DNAH17: variants seen among roughly 807,000 people sequenced by gnomAD.
DNAH17 encodes the protein dynein axonemal heavy chain 17, also known as axonemal beta dynein heavy chain 17.
A neutral mutation model predicts 485.6 loss-of-function variants in DNAH17; 376 were observed. The ratio of observed to expected loss-of-function variants is 0.77; its 90% confidence interval spans 0.71 to 0.84. The LOEUF is 0.84. Among genes scored for constraint, DNAH17 ranks in the 40% least tolerant of loss-of-function variants. The pLI is 0.00. For missense variants in DNAH17, 6,370 were observed against 5,839.3 expected (o/e 1.09, Z -2.96); for synonymous variants, 3,031 against 2,405.9 (o/e 1.26, Z -7.60).
Position 78,480,051 on chromosome 17 carries a change from A to T in DNAH17, c.7753-419T>A, listed in dbSNP as rs796853823. Among the ~76,000 whole-genome samples, 35 of 15,866 alleles carry T rather than the reference A, an allele frequency of 2.2e-3. 12 individuals are homozygous for T. Among genetic ancestry groups the T allele is most frequent in the Non-Finnish European group, 5.4e-3 (26 of 4,776 alleles). The allele number at this position is 15,866 out of a possible 152,430, so 10.4% of individuals were successfully genotyped here. A position where few individuals can be genotyped will look rare whatever the true frequency, so the allele number is the denominator to read the frequency against. ...TTTTTTTTTTTTTTTTTTTTTTTTAAAAAAAGTATGTCCCAGGCCGGGCAC... is the reference window on the plus strand; with the variant it reads ...TTTTTTTTTTTTTTTTTTTTTTTTATAAAAAGTATGTCCCAGGCCGGGCAC... On this transcript the variant is annotated intron_variant, in intron 49 of 80. Coordinates refer to ENST00000389840, the MANE Select transcript of DNAH17 (RefSeq NM_173628.4).
chr17:78,462,490 G>A (rs1187471826), intron 57 of DNAH17, among the ~76,000 whole-genome samples: 1 of 152,140 alleles, frequency 6.6e-6, no homozygotes, highest in Non-Finnish European at 1.5e-5. Flanking sequence ...GGAGGTTTTT[G>A]AGCCAGGCCC....
chr17:78,468,037 AG>A (rs2088563664), intron 55 of DNAH17, among the ~76,000 whole-genome samples: 1 of 43,270 alleles, frequency 2.3e-5, no homozygotes, highest in South Asian at 7.6e-4. Flanking sequence ...AAAAAAAGAG[AG>A]AGAGAGAGAG....
chr17:78,433,353 T>C (rs553426785), intron 75 of DNAH17, among the ~76,000 whole-genome samples: 203 of 152,316 alleles, frequency 1.3e-3, no homozygotes, highest in African/African-American at 4.7e-3. Flanking sequence ...CTCCAGCGAA[T>C]AGCAGGTCTG....
rs540562960 is a variant in DNAH17, at chr17:78,573,172, C to T, written c.346-278G>A. ...CCAAAGCCATCCCCAAGCTCTTGCACCCATAGCACACACTCCTTGCTAAAA... is the reference window on the plus strand; with the variant it reads ...CCAAAGCCATCCCCAAGCTCTTGCATCCATAGCACACACTCCTTGCTAAAA... On this transcript the variant is annotated intron_variant, in intron 2 of 80. Transcript: ENST00000389840. Among the ~76,000 whole-genome samples the T allele has an allele frequency of 2.6e-5, 4 of 152,286 alleles. No homozygotes were observed. In the South Asian group the frequency reaches 8.3e-4, roughly 32 times the overall value.
At chr17:78,526,401 G>A (rs115493059) in intron 24 of DNAH17, among the ~76,000 whole-genome samples, 2 of 152,160 alleles carry the variant, frequency 1.3e-5, no homozygotes, top group East Asian at 3.9e-4. Flanking sequence ...CTGGAGCCAT[G>A]CTCTGAGCTG....
chr17:78,451,275 G>A (rs1568068935), intron 66 of DNAH17, among the ~76,000 whole-genome samples, 194 bp downstream of exon 66: 1 of 152,234 alleles, frequency 6.6e-6, no homozygotes, highest in Non-Finnish European at 1.5e-5. Context: ...CAGGAAGAGG[G>A]GACAGCTGGG....
intron 33 of DNAH17, 85 bp downstream of exon 33, chr17:78,502,506 C>A: frequency 1.6e-6 from 2 of 1,289,692 alleles, no homozygotes; most frequent in Non-Finnish European, 2.1e-6. Flanking sequence ...ACTCGCCCGG[C>A]AGGTTTCAGA....
intron 36 of DNAH17, 140 bp from the exon 37 acceptor site, chr17:78,499,252 C>T: frequency 1.8e-6 from 1 of 559,988 alleles, no homozygotes; most frequent in Non-Finnish European, 3.0e-6. Context: ...GAGCCTTCCG[C>T]AGGCCAGCAG....
chr17:78,560,814 G>A lies in DNAH17; in HGVS notation c.1957C>T (p.His653Tyr), dbSNP rs1371931779. ...ATCAGCGGCTGCCCCAGGTTAAAGTGGCAGTCCTGGTCCACGCCCGCCACC... is the reference window on the plus strand; with the variant it reads ...ATCAGCGGCTGCCCCAGGTTAAAGTAGCAGTCCTGGTCCACGCCCGCCACC... ...QWVAGVDQDCHFNLGQPLILR... is the reference protein window; with the variant it reads ...QWVAGVDQDCYFNLGQPLILR... The change falls in exon 13 of 81, where the codon CAC becomes TAC. Residue 653 changes from histidine to tyrosine, a missense_variant. His to Tyr is a moderately conservative substitution (Grantham distance 83). Transcript: ENST00000389840. 1.9e-6 allele frequency: 3 copies of A among 1,551,730 alleles called. No individual in the cohort carries two copies.
intron 11 of DNAH17, among the ~76,000 whole-genome samples, chr17:78,562,554 C>G (rs1383220851): frequency 6.6e-6 from 1 of 152,008 alleles, no homozygotes; most frequent in Non-Finnish European, 1.5e-5. Flanking sequence ...CCCCAGAGGT[C>G]AAGGCTGCAG....
At chr17:78,492,233 A>C (rs2089892975) in intron 42 of DNAH17, among the ~76,000 whole-genome samples, 1 of 152,094 alleles carries the variant, frequency 6.6e-6, no homozygotes, top group African/African-American at 2.4e-5. Flanking sequence ...GTGCAAACCC[A>C]GTGACGCCAC....
intron 63 of DNAH17, 106 bp from the exon 64 acceptor site, chr17:78,454,811 A>T: frequency 1.0e-6 from 1 of 957,574 alleles, no homozygotes; most frequent in Non-Finnish European, 1.5e-6. Flanking sequence ...TTAGGGGTGG[A>T]CCAGCAGGAC....
At chr17:78,446,666 CAG>C (rs1335502772) in intron 69 of DNAH17, among the ~76,000 whole-genome samples, 6 of 152,058 alleles carry the variant, frequency 3.9e-5, no homozygotes, top group South Asian at 2.1e-4. Flanking sequence ...TTTTTTGAGA[CAG>C]AGTCTCACTC....
At chr17:78,564,126 C>A (rs1457925980) in intron 11 of DNAH17, among the ~76,000 whole-genome samples, 2 of 152,116 alleles carry the variant, frequency 1.3e-5, no homozygotes, top group Admixed American at 6.5e-5. Context: ...CCTCCTGCTC[C>A]TCACAGGGTA....
Position 78,574,744 on chromosome 17 carries a change from G to A in DNAH17, c.314C>T (p.Pro105Leu), listed in dbSNP as rs1454646231. The A allele has an allele frequency of 1.2e-6, 2 of 1,612,972 alleles. No individual in the cohort carries two copies. The highest frequency in any genetic ancestry group is 1.3e-5 in the African/African-American group (1 of 74,900). The part of the protein sequence containing the change: ...RLLYGDISPT[P>L]VDQLIAVVEE... ...CACCACCGCGATCAGCTGGTCCACG[G>A]GTGTGGGGCTGATGTCGCCGTAAAG... Residue 105 changes from proline (P) to leucine (L), a missense_variant, in exon 2 of 81, where the codon CCC becomes CTC. Pro to Leu is a moderately conservative substitution (Grantham distance 98). Coordinates refer to ENST00000389840, the MANE Select transcript of DNAH17 (RefSeq NM_173628.4).
intron 37 of DNAH17, among the ~76,000 whole-genome samples, chr17:78,497,433 G>A (rs998562642): frequency 6.6e-6 from 1 of 152,176 alleles, no homozygotes; most frequent in Non-Finnish European, 1.5e-5. Flanking sequence ...GGGGCCTTTC[G>A]GAACAGCACC....
intron 37 of DNAH17, among the ~76,000 whole-genome samples, chr17:78,497,214 G>A (rs2146698390): frequency 6.6e-6 from 1 of 152,282 alleles, no homozygotes; most frequent in East Asian, 1.9e-4. Context: ...AGGGGCCGTT[G>A]CCTGCTTGAG....
chr17:78,435,383 G>C (rs1279321940), intron 74 of DNAH17, among the ~76,000 whole-genome samples: 2 of 152,226 alleles, frequency 1.3e-5, no homozygotes, highest in African/African-American at 2.4e-5. Flanking sequence ...GTGGGCCCTT[G>C]TTTTCAGAGG....
At chr17:78,508,564 C>A (rs572852029) in intron 27 of DNAH17, among the ~76,000 whole-genome samples, 1 of 152,228 alleles carries the variant, frequency 6.6e-6, no homozygotes, top group East Asian at 1.9e-4. Flanking sequence ...TCAGACCCAG[C>A]TGGAAAAAAC....
Sources: gnomAD v4.1 joint callset for allele counts (sites outside exome capture counted in the v4.1 genomes callset) on GRCh38, gnomAD v4.1.1 for gene constraint, MANE v1.5 for transcripts, NCBI Gene and HGNC (gene_info 2026-07-23, HGNC 2026-07-21) for gene names.